Variants in NYAP2 observed in about 807,000 individuals in gnomAD.
The protein encoded by NYAP2 is neuronal tyrosine-phosphorylated phosphoinositide-3-kinase adapter 2.
In NYAP2, 23 loss-of-function variants were observed where a neutral mutation model predicts 50.4. The observed-to-expected ratio is 0.46, with a 90% CI of 0.33 to 0.65. The LOEUF (loss-of-function observed/expected upper bound fraction) is 0.65. Ranked by LOEUF, NYAP2 falls within the 30% of genes least tolerant of loss-of-function variation. NYAP2 has a pLI of 0.02. For missense variants in NYAP2, 885 were observed against 861.0 expected, an observed-to-expected ratio of 1.03 and a Z score of -0.35; for synonymous variants, 394 against 365.2, an observed-to-expected ratio of 1.08 and a Z score of -0.90.
chr2:225,509,680 G>A (rs529830390), intron 3 of NYAP2, among the ~76,000 whole-genome samples: 2 of 152,292 alleles, frequency 1.3e-5, no homozygotes, highest in East Asian at 1.9e-4. Context: ...TAGAAAGAGT[G>A]TGCCTCTTTG....
At chr2:225,662,765 T>A in the NYAP2 span, among the ~76,000 whole-genome samples, 1 of 152,076 alleles carries the variant, frequency 6.6e-6, no homozygotes, top group African/African-American at 2.4e-5. Flanking sequence ...ATGAAAGGGG[T>A]AGAGGTTTTT....
At chr2:225,654,756 G>A (rs1208368545), downstream of NYAP2, among the ~76,000 whole-genome samples, 3 of 152,106 alleles carry the variant, frequency 2.0e-5, no homozygotes, top group Non-Finnish European at 2.9e-5. Context: ...AATTCCAGTG[G>A]TGCTTGTCTA....
At chr2:225,497,272 T>G (rs994040054) in intron 3 of NYAP2, among the ~76,000 whole-genome samples, 6 of 152,210 alleles carry the variant, frequency 3.9e-5, no homozygotes, top group Non-Finnish European at 5.9e-5. Context: ...TTGGGTACAT[T>G]AAGCAGATCT....
At chr2:225,450,135 C>T (rs928936738) in intron 3 of NYAP2, among the ~76,000 whole-genome samples, 3 of 151,964 alleles carry the variant, frequency 2.0e-5, no homozygotes, top group Non-Finnish European at 2.9e-5. Flanking sequence ...ATGAGGAGTT[C>T]GACATTGTCA....
the NYAP2 span, among the ~76,000 whole-genome samples, chr2:225,679,688 T>C: frequency 3.3e-3 from 499 of 151,966 alleles, no homozygotes; most frequent in Non-Finnish European, 3.9e-3. Flanking sequence ...AGAGACAGGG[T>C]TTCACCATGT....
chr2:225,514,846 G>A (rs1489778905), intron 4 of NYAP2, among the ~76,000 whole-genome samples: 1 of 152,194 alleles, frequency 6.6e-6, no homozygotes, highest in East Asian at 1.9e-4. Context: ...AAGCTTCTCT[G>A]AGCTCTAGGG....
At chr2:225,553,013 A>G (rs558339633) in intron 4 of NYAP2, among the ~76,000 whole-genome samples, 1 of 152,250 alleles carries the variant, frequency 6.6e-6, no homozygotes, top group East Asian at 1.9e-4. Context: ...ATCAGCCACC[A>G]AGGCTATGGT....
At chr2:225,447,823 C>T (rs77226726) in intron 3 of NYAP2, among the ~76,000 whole-genome samples, 3,028 of 152,248 alleles carry the variant, frequency 0.02, 96 homozygotes, top group African/African-American at 0.067. Context: ...GCAATTTGAA[C>T]TTATAGCTCC....
rs79873417 is a variant in NYAP2, at chr2:225,581,521, G to C, written c.524-420G>C. On this transcript the variant is annotated intron_variant, in intron 4 of 6. Transcript: ENST00000636099. ...CCACATCAGTAAAACAGTGCAATCTGTATGGTATTTTTGACCAATAGTGCT... is the reference window on the plus strand; with the variant it reads ...CCACATCAGTAAAACAGTGCAATCTCTATGGTATTTTTGACCAATAGTGCT... Among the ~76,000 whole-genome samples the C allele has an allele frequency of 2.4e-4, 36 of 152,286 alleles. No individual in the cohort carries two copies. In the East Asian group the frequency reaches 3.7e-3, roughly 16 times the overall value.
At chr2:225,524,075 G>C (rs1172897848) in intron 4 of NYAP2, among the ~76,000 whole-genome samples, 1 of 152,134 alleles carries the variant, frequency 6.6e-6, no homozygotes, top group Non-Finnish European at 1.5e-5. Flanking sequence ...CATATATGAT[G>C]GGGAGTTTAT....
At chr2:225,498,809 C>G in intron 3 of NYAP2, among the ~76,000 whole-genome samples, 1 of 152,162 alleles carries the variant, frequency 6.6e-6, no homozygotes, top group East Asian at 1.9e-4. Flanking sequence ...CATTTGTTCT[C>G]TGTGACTGAG....
chr2:225,561,123 T>C (rs1227889321), intron 4 of NYAP2, among the ~76,000 whole-genome samples: 1 of 151,990 alleles, frequency 6.6e-6, no homozygotes. Flanking sequence ...TAAGTAAATA[T>C]GATGGCAGTT....
In NYAP2 at chr2:225,595,266, A is replaced by G. The variant is rs1245386625; in HGVS notation, c.1618+12231A>G. Among the ~76,000 whole-genome samples the G allele has an allele frequency of 2.0e-5, 3 of 152,188 alleles. No individual in the cohort carries two copies. In the East Asian group the frequency reaches 5.8e-4, roughly 29 times the overall value. ...GATTGGGGTATTCATGTGTTGTCCA[A>G]CGTTAGATCCAACCATAGTGCTATG... On this transcript the variant is annotated intron_variant, in intron 5 of 6. Transcript: ENST00000636099.
At chr2:225,594,145 C>G (rs1469115838) in intron 5 of NYAP2, among the ~76,000 whole-genome samples, 1 of 151,542 alleles carries the variant, frequency 6.6e-6, no homozygotes, top group African/African-American at 2.4e-5. Flanking sequence ...ATACCTTTTT[C>G]AAAAAAAGAA....
chr2:225,627,111 G>A (rs1456481350), exon 6 of NYAP2: 3 of 1,586,250 alleles, frequency 1.9e-6, no homozygotes, highest in African/African-American at 1.3e-5. Context: ...CTTGTTAGCG[G>A]GAAACCACAG....
At chr2:225,517,589 C>G (rs1310779222) in intron 4 of NYAP2, among the ~76,000 whole-genome samples, 1 of 152,160 alleles carries the variant, frequency 6.6e-6, no homozygotes, top group African/African-American at 2.4e-5. Context: ...TCAGATCCTG[C>G]ATCCCTCACA....
At chr2:225,581,042 C>T (rs967468187) in intron 4 of NYAP2, among the ~76,000 whole-genome samples, 8 of 152,342 alleles carry the variant, frequency 5.3e-5, no homozygotes, top group African/African-American at 1.9e-4. Flanking sequence ...ATTTGCCAGC[C>T]TCTTCCGTGC....
intron 3 of NYAP2, among the ~76,000 whole-genome samples, chr2:225,484,431 T>C (rs2106166985): frequency 6.6e-6 from 1 of 152,310 alleles, no homozygotes; most frequent in Admixed American, 6.5e-5. Flanking sequence ...TGTTAAGACA[T>C]AGTTTATCAT....
In NYAP2 at chr2:225,544,999, A is replaced by G. The variant is rs564572660; in HGVS notation, c.523+31327A>G. On this transcript the variant is annotated intron_variant, in intron 4 of 6. Coordinates refer to ENST00000636099, the Ensembl canonical transcript of NYAP2. ...TATTTTTTTTCCTTCAGCACTTTAA[A>G]TATGTCATGCTACTCTTTTTTGGCC... Among the ~76,000 whole-genome samples, 17 of 152,280 alleles carry G rather than the reference A, an allele frequency of 1.1e-4. No homozygotes were observed. In the South Asian group the frequency reaches 3.1e-3, roughly 28 times the overall value.
Sources: allele counts gnomAD v4.1 joint callset (sites outside exome capture counted in the v4.1 genomes callset), GRCh38; gene constraint gnomAD v4.1.1; transcripts MANE v1.5; gene names NCBI Gene and HGNC (gene_info 2026-07-23, HGNC 2026-07-21).